UBR3: variants seen among roughly 807,000 people sequenced by gnomAD.
UBR3 encodes the protein ubiquitin protein ligase E3 component n-recognin 3, also known as E3 ubiquitin-protein ligase UBR3.
In UBR3, 85 loss-of-function variants were observed where a neutral mutation model predicts 243.2. That is an observed-to-expected ratio of 0.35 (90% confidence interval 0.29 to 0.42). The LOEUF (loss-of-function observed/expected upper bound fraction) is 0.42. Among genes scored for constraint, UBR3 ranks in the 10% least tolerant of loss-of-function variants. The pLI is 1.00. For missense variants in UBR3, 1,686 were observed against 2,300.8 expected, an observed-to-expected ratio of 0.73 and a Z score of 5.47; for synonymous variants, 748 against 799.8, an observed-to-expected ratio of 0.94 and a Z score of 1.09.
chr2:170,034,556 A>G (rs1258542774), intron 31 of UBR3, among the ~76,000 whole-genome samples: 3 of 151,988 alleles, frequency 2.0e-5, no homozygotes, highest in Non-Finnish European at 4.4e-5. Flanking sequence ...CTGTACCACA[A>G]TTAATTTATT....
chr2:169,905,541 A>G (rs1335174883), intron 9 of UBR3, among the ~76,000 whole-genome samples: 2 of 152,154 alleles, frequency 1.3e-5, no homozygotes, highest in Non-Finnish European at 2.9e-5. Context: ...ATTTAACTTA[A>G]TTTTTTTATT....
chr2:169,962,154 T>G (rs2087605756), intron 24 of UBR3, among the ~76,000 whole-genome samples: 1 of 152,172 alleles, frequency 6.6e-6, no homozygotes, highest in Admixed American at 6.5e-5. Context: ...GAACTGAGGC[T>G]TCTTGCCCCA....
chr2:170,044,110 A>G (rs946112643), intron 32 of UBR3, among the ~76,000 whole-genome samples: 1 of 152,122 alleles, frequency 6.6e-6, no homozygotes, highest in Non-Finnish European at 1.5e-5. Flanking sequence ...GGAGTTATTA[A>G]TATAAATTTT....
intron 24 of UBR3, among the ~76,000 whole-genome samples, chr2:169,971,512 A>G (rs973559503): frequency 1.3e-4 from 19 of 151,546 alleles, no homozygotes; most frequent in African/African-American, 4.6e-4. Flanking sequence ...ATAAGGTGTA[A>G]GGAAGGGATC....
chr2:169,868,985 A>G (rs896199391), intron 1 of UBR3, among the ~76,000 whole-genome samples: 1 of 152,088 alleles, frequency 6.6e-6, no homozygotes, highest in Non-Finnish European at 1.5e-5. Flanking sequence ...TGTCCTGTAT[A>G]ATGTCTCACA....
intron 24 of UBR3, among the ~76,000 whole-genome samples, chr2:169,960,057 C>A (rs2087493519): frequency 1.3e-5 from 2 of 151,840 alleles, no homozygotes; most frequent in South Asian, 4.2e-4. Context: ...TTGAGACCAG[C>A]CTGACCAACA....
In UBR3 at chr2:170,075,289, G is replaced by T. The variant is rs544679467; in HGVS notation, c.5199+1682G>T. 2.4e-4 allele frequency among the ~76,000 whole-genome samples: 37 copies of T among 151,942 alleles called. 1 individual carries two copies. Among genetic ancestry groups the T allele is most frequent in the African/African-American group, 8.7e-4 (36 of 41,418 alleles). On this transcript the variant is annotated intron_variant, in intron 36 of 38. Coordinates refer to ENST00000272793, the MANE Select transcript of UBR3 (RefSeq NM_172070.4). ...GTCTAGTAATTTCTTTATTCACAGAGCATATAGCAATAATTTGACATCATA... is the reference window on the plus strand; with the variant it reads ...GTCTAGTAATTTCTTTATTCACAGATCATATAGCAATAATTTGACATCATA...
intron 1 of UBR3, among the ~76,000 whole-genome samples, chr2:169,838,441 G>C (rs1245622935): frequency 8.2e-6 from 1 of 121,742 alleles, no homozygotes; most frequent in African/African-American, 3.2e-5. Flanking sequence ...GTGTGTGTGT[G>C]TGTGTGTCTG....
intron 23 of UBR3, among the ~76,000 whole-genome samples, chr2:169,950,271 C>T (rs1282532501): frequency 2.6e-5 from 4 of 151,868 alleles, no homozygotes; most frequent in Non-Finnish European, 5.9e-5. Context: ...ACTTTCTGAC[C>T]CCAATGTAAA....
intron 24 of UBR3, among the ~76,000 whole-genome samples, chr2:169,982,263 C>A (rs1490661868): frequency 6.6e-6 from 1 of 152,066 alleles, no homozygotes; most frequent in East Asian, 1.9e-4. Flanking sequence ...ATCCCTATAT[C>A]ATTTCCCCAT....
At position 169,949,814 on chromosome 2, in the gene UBR3, C is replaced by G. The variant is rs2086937028; in HGVS notation, c.3294C>G (p.His1098Gln). Residue 1098 changes from histidine (H) to glutamine (Q), a missense_variant, in exon 23 of 39, where the codon CAC (histidine) becomes CAG (glutamine). His to Gln is a conservative substitution (Grantham distance 24, BLOSUM62 0). This residue lies in a region of UBR3 where 300 missense variants were observed against 314.4 expected (regional missense o/e 0.95). Coordinates refer to ENST00000272793, the MANE Select transcript of UBR3 (RefSeq NM_172070.4). ...TGTCTTTGCTAATTAAACTTCACCA[C>G]AAACTCTCAGGAAAACAAAACTCCT... ...SILSLLIKLH[H>Q]KLSGKQNSYY... 2.6e-6 allele frequency: 4 copies of G among 1,555,232 alleles called. No individual in the cohort carries two copies. Among genetic ancestry groups the G allele is most frequent in the Non-Finnish European group, 3.5e-6 (4 of 1,148,396 alleles).
chr2:169,831,355 G>C (rs1054658692), intron 1 of UBR3, among the ~76,000 whole-genome samples: 6 of 147,970 alleles, frequency 4.1e-5, no homozygotes, highest in African/African-American at 1.5e-4. Flanking sequence ...TCTCCATGTT[G>C]GTCAGGCTGG....
chr2:169,905,235 A>G lies in UBR3; in HGVS notation c.1587A>G (p.Arg529=), dbSNP rs1219151727. ...TTTCTCATCAAAGTGTGGCCAAGAG[A>G]TTTTTGGAGGATCACGGTTTGTTAG... ...NILSHQSVAK[R]FLEDHGLLVT... The change falls in exon 9 of 39, where the codon AGA becomes AGG. Residue 529 remains arginine, a synonymous_variant. Transcript: ENST00000272793. 1 of 1,543,740 alleles carries G rather than the reference A, an allele frequency of 6.5e-7. No individual in the cohort carries two copies. Among genetic ancestry groups the G allele is most frequent in the Non-Finnish European group, 8.7e-7 (1 of 1,143,566 alleles).
chr2:169,861,606 CAA>C (rs56963417), intron 1 of UBR3, among the ~76,000 whole-genome samples: 22 of 92,072 alleles, frequency 2.4e-4, no homozygotes, highest in East Asian at 5.6e-4. Context: ...GACTCTGTCT[CAA>C]AAAAAAAAAA....
At chr2:169,946,633 G>T (rs1428472626) in intron 21 of UBR3, among the ~76,000 whole-genome samples, 2 of 151,992 alleles carry the variant, frequency 1.3e-5, no homozygotes, top group Non-Finnish European at 2.9e-5. Flanking sequence ...GGCCTTCATT[G>T]ATACATTAAA....
chr2:169,905,016 A>T, intron 8 of UBR3, 98 bp from the exon 9 acceptor site: 1 of 1,008,720 alleles, frequency 9.9e-7, no homozygotes, highest in Non-Finnish European at 1.3e-6. Flanking sequence ...GTTTGAATTT[A>T]GGTATATCTG....
Position 169,895,323 on chromosome 2 carries a change from T to G in UBR3, c.1236+12T>G, listed in dbSNP as rs1355867037. ...ATCAAGAGTATAAGGTATCTATATA[T>G]TTTCCTGCTTTTCTGAACTTAGCTT... On this transcript the variant is annotated intron_variant, in intron 7 of 38. Transcript: ENST00000272793. 6.6e-7 allele frequency: 1 copy of G among 1,523,724 alleles called. No individual in the cohort carries two copies. Among genetic ancestry groups the G allele is most frequent in the Admixed American group, 2.4e-5 (1 of 41,664 alleles). The allele number at this position is 1,523,724 out of a possible 1,614,324, so 94.4% of individuals were successfully genotyped here.
intron 30 of UBR3, among the ~76,000 whole-genome samples, chr2:170,023,577 T>G (rs573284598): frequency 6.6e-6 from 1 of 151,648 alleles, no homozygotes; most frequent in East Asian, 2.0e-4. Flanking sequence ...ACCCAGCTAA[T>G]TTTTGTTTTT....
At chr2:169,836,055 ATATATATATATATTTTTTTTTTTTT>A (rs1313130512) in intron 1 of UBR3, among the ~76,000 whole-genome samples, 3 of 40,664 alleles carry the variant, frequency 7.4e-5, no homozygotes, top group African/African-American at 1.4e-4. Context: ...ATATATATAT[ATATATATATATATTTTTTTTTTTTT>A]TTTTTTTTTT....
Sources: allele counts gnomAD v4.1 joint callset (sites outside exome capture counted in the v4.1 genomes callset), GRCh38; gene constraint gnomAD v4.1.1; regional missense constraint gnomAD v4.1.1; transcripts MANE v1.5; gene names NCBI Gene and HGNC (gene_info 2026-07-23, HGNC 2026-07-21).